KCNH1: variants seen among roughly 807,000 people sequenced by gnomAD.
The protein encoded by KCNH1 is voltage-gated delayed rectifier potassium channel KCNH1.
In KCNH1, 27 loss-of-function variants were observed where a neutral mutation model predicts 69.2. The observed-to-expected ratio is 0.39, with a 90% CI of 0.29 to 0.54. The LOEUF is 0.54. Ranked by LOEUF, KCNH1 falls within the 20% of genes least tolerant of loss-of-function variation. The pLI is 0.68. For synonymous variants in KCNH1, 456 were observed against 487.7 expected (o/e 0.93, Z 0.86); for missense variants, 798 against 1,261.6 (o/e 0.63, Z 5.57).
At chr1:211,037,735 T>C (rs1689923566) in intron 5 of KCNH1, among the ~76,000 whole-genome samples, 2 of 151,964 alleles carry the variant, frequency 1.3e-5, no homozygotes, top group Non-Finnish European at 2.9e-5. Context: ...TACACCTAAC[T>C]AGAGTAGGAG....
At chr1:210,737,132 C>T (rs1344289722) in intron 10 of KCNH1, among the ~76,000 whole-genome samples, 2 of 152,132 alleles carry the variant, frequency 1.3e-5, no homozygotes, top group South Asian at 2.1e-4. Flanking sequence ...TGTGGATTTT[C>T]ACTAGAGTAT....
intron 7 of KCNH1, among the ~76,000 whole-genome samples, chr1:210,910,775 G>T (rs1240549795): frequency 6.6e-6 from 1 of 152,198 alleles, no homozygotes; most frequent in Non-Finnish European, 1.5e-5. Context: ...TGTATAATGT[G>T]CTCTGCACAC....
chr1:210,711,755 T>C (rs1682080921), intron 10 of KCNH1, among the ~76,000 whole-genome samples: 2 of 152,222 alleles, frequency 1.3e-5, no homozygotes, highest in African/African-American at 2.4e-5. Context: ...CAGTCCACTG[T>C]GGGCAGGGAC....
rs183705286 is a variant in KCNH1, at chr1:210,901,273, C to T, written c.1462+18367G>A. On this transcript the variant is annotated intron_variant, in intron 7 of 10. Transcript: ENST00000271751. ...CAACCCTACCACAGCCAATTCATCA[C>T]CTGGTCTTGTTGGTCCCACCTCCAA... Among the ~76,000 whole-genome samples the T allele has an allele frequency of 2.6e-3, 403 of 152,252 alleles. 6 individuals carry two copies. Among genetic ancestry groups the T allele is most frequent in the Non-Finnish European group, 2.1e-3 (141 of 68,010 alleles).
At chr1:210,947,590 CTCAAT>C (rs1687984801) in intron 6 of KCNH1, among the ~76,000 whole-genome samples, 1 of 150,462 alleles carries the variant, frequency 6.6e-6, no homozygotes, top group Admixed American at 6.7e-5. Context: ...AAAAAAAAAG[CTCAAT>C]TCTTCACCCT....
rs1056381966 is a variant in KCNH1, at chr1:210,735,254, C to T, written c.2112+40094G>A. 3.9e-5 allele frequency among the ~76,000 whole-genome samples: 6 copies of T among 152,138 alleles called. No individual in the cohort carries two copies. The East Asian group carries it at 7.7e-4, about 20-fold the overall frequency. On this transcript the variant is annotated intron_variant, in intron 10 of 10. Transcript: ENST00000271751. ...AGCCCCCCTGCCTCCATAGACCTAG[C>T]GTACACCCCAGGCATCACCTTTCTT...
chr1:210,971,058 T>G (rs2102366927), intron 6 of KCNH1, among the ~76,000 whole-genome samples: 1 of 152,238 alleles, frequency 6.6e-6, no homozygotes, highest in Middle Eastern at 3.4e-3. Context: ...ACATCACTGA[T>G]CATTAGAGAA....
At chr1:210,843,341 CT>C (rs1396579680) in intron 7 of KCNH1, among the ~76,000 whole-genome samples, 1 of 152,112 alleles carries the variant, frequency 6.6e-6, no homozygotes, top group Non-Finnish European at 1.5e-5. Flanking sequence ...AATAGCCCCC[CT>C]GGAATATCCT....
intron 6 of KCNH1, among the ~76,000 whole-genome samples, chr1:210,997,672 A>T (rs1272205943): frequency 3.3e-5 from 5 of 152,158 alleles, no homozygotes; most frequent in African/African-American, 1.2e-4. Context: ...TGCCACAAAG[A>T]TACTCCTCGA....
intron 3 of KCNH1, among the ~76,000 whole-genome samples, chr1:211,101,733 C>A (rs980119588): frequency 3.3e-5 from 5 of 152,228 alleles, no homozygotes; most frequent in African/African-American, 1.2e-4. Context: ...ACACTGGAAA[C>A]TAATCCTGGT....
intron 7 of KCNH1, among the ~76,000 whole-genome samples, chr1:210,849,088 G>A (rs1685625343): frequency 6.6e-6 from 1 of 152,186 alleles, no homozygotes. Flanking sequence ...AAAGATGTGA[G>A]CATTGGAACC....
intron 5 of KCNH1, among the ~76,000 whole-genome samples, chr1:211,074,585 AGAGGT>A (rs1311985287): frequency 2.6e-5 from 4 of 152,226 alleles, no homozygotes; most frequent in Non-Finnish European, 5.9e-5. Context: ...CAAGTTGACA[AGAGGT>A]GAACTGTAAT....
intron 7 of KCNH1, among the ~76,000 whole-genome samples, chr1:210,891,073 A>C (rs112016288): frequency 6.6e-6 from 1 of 152,224 alleles, no homozygotes; most frequent in Non-Finnish European, 1.5e-5. Flanking sequence ...TCATGCTGCT[A>C]TAAAGTCACA....
intron 6 of KCNH1, among the ~76,000 whole-genome samples, chr1:211,008,306 T>C (rs965378191): frequency 1.3e-5 from 2 of 152,140 alleles, no homozygotes; most frequent in African/African-American, 2.4e-5. Context: ...AAAGGACAAA[T>C]ATGGTAGAAT....
At chr1:211,097,431 T>C (rs1691176934) in intron 3 of KCNH1, among the ~76,000 whole-genome samples, 1 of 152,112 alleles carries the variant, frequency 6.6e-6, no homozygotes, top group Non-Finnish European at 1.5e-5. Flanking sequence ...CACTTCTAAA[T>C]GGTTTTTAAA....
At chr1:210,705,532 A>G (rs1450629082) in intron 10 of KCNH1, among the ~76,000 whole-genome samples, 1 of 152,116 alleles carries the variant, frequency 6.6e-6, no homozygotes, top group Non-Finnish European at 1.5e-5. Flanking sequence ...CAGAGGGTCG[A>G]CCCTGGCCCA....
chr1:211,116,461 G>A (rs1691584407), intron 1 of KCNH1, among the ~76,000 whole-genome samples: 1 of 152,160 alleles, frequency 6.6e-6, no homozygotes, highest in Non-Finnish European at 1.5e-5. Flanking sequence ...TTTTGATAAA[G>A]AGTTTTTATG....
intron 7 of KCNH1, among the ~76,000 whole-genome samples, chr1:210,884,477 G>A (rs1312439366): frequency 6.6e-6 from 1 of 152,200 alleles, no homozygotes; most frequent in Non-Finnish European, 1.5e-5. Flanking sequence ...AAAGTTCAGA[G>A]AGCTTAAATG....
At chr1:210,968,361 A>G (rs1401019897) in intron 6 of KCNH1, among the ~76,000 whole-genome samples, 21 of 138,756 alleles carry the variant, frequency 1.5e-4, no homozygotes, top group Admixed American at 6.0e-4. Context: ...AGCATGATTT[A>G]TAATCCTTTG....
Sources: gnomAD v4.1 joint callset for allele counts (sites outside exome capture counted in the v4.1 genomes callset) on GRCh38, gnomAD v4.1.1 for gene constraint, MANE v1.5 for transcripts, NCBI Gene and HGNC (gene_info 2026-07-23, HGNC 2026-07-21) for gene names.